Variants in SLCO3A1 observed in about 807,000 individuals in gnomAD.
SLCO3A1 encodes the protein solute carrier organic anion transporter family member 3A1.
A neutral mutation model predicts 63.1 loss-of-function variants in SLCO3A1; 27 were observed. That is an observed-to-expected ratio of 0.43 (90% CI 0.32 to 0.59). The LOEUF (loss-of-function observed/expected upper bound fraction) is 0.59. SLCO3A1 is among the 20% of genes least tolerant of loss of function. The probability of loss-of-function intolerance (pLI) is 0.09; values close to 1 mark genes in which losing one functional copy is unlikely to be tolerated. For missense variants in SLCO3A1, 773 were observed against 945.8 expected (o/e 0.82, Z 2.40); for synonymous variants, 473 against 409.9 (o/e 1.15, Z -1.86).
rs747059666 is a variant in SLCO3A1, at chr15:91,941,632, A to G, written c.646+25174A>G. On this transcript the variant is annotated intron_variant, in intron 2 of 9. Coordinates refer to ENST00000318445, the MANE Select transcript of SLCO3A1 (RefSeq NM_013272.4). This position sits in a 1 kb window ranked among gnomAD's most constrained non-coding sequence, Gnocchi z 4.4. ...GAGGTTTTGAAGCTTCTAATCTCCC[A>G]TGGGTTTTGTACTTTTTCTTACTCG... is the stretch of plus-strand genomic sequence containing the variant. 3 of 444,528 alleles carry G rather than the reference A, an allele frequency of 6.7e-6. No individual in the cohort carries two copies. The highest frequency in any genetic ancestry group is 1.6e-5 in the South Asian group (1 of 61,626). 27.5% of individuals were successfully genotyped at this position (444,528 alleles called of 1,614,324 possible).
At chr15:92,042,075 C>G (rs1321757923) in intron 2 of SLCO3A1, among the ~76,000 whole-genome samples, 2 of 152,132 alleles carry the variant, frequency 1.3e-5, no homozygotes, top group Non-Finnish European at 2.9e-5. Flanking sequence ...CCATGTGACT[C>G]TGGGGTTCTT....
At position 91,872,533 on chromosome 15, in the gene SLCO3A1, CAA is replaced by C. The variant is rs373474398; in HGVS notation, c.180+18455_180+18456del. 2.2e-5 allele frequency among the ~76,000 whole-genome samples: 3 copies of C among 136,214 alleles called. No homozygotes were observed. The highest frequency in any genetic ancestry group is 2.7e-5 in the African/African-American group (1 of 37,206). The allele number at this position is 136,214 out of a possible 152,430, so 89.4% of individuals were successfully genotyped here. The stretch of plus-strand genomic sequence containing the variant: ...AGGGCAACAAAATGAGACTCCGTCT[CAA>C]AAAAAAAAAGAAAAGAAAAAAGAAG... On this transcript the variant is annotated intron_variant, in intron 1 of 9. Coordinates refer to ENST00000318445, the MANE Select transcript of SLCO3A1 (RefSeq NM_013272.4). This position sits in a 1 kb window ranked among gnomAD's most constrained non-coding sequence, Gnocchi z 4.1.
intron 2 of SLCO3A1, among the ~76,000 whole-genome samples, chr15:92,039,491 G>A (rs2046770222): frequency 6.6e-6 from 1 of 152,212 alleles, no homozygotes; most frequent in African/African-American, 2.4e-5. Flanking sequence ...CTGATCATTA[G>A]AGAAACGCAA....
chr15:92,120,004 T>C (rs2047843365), intron 4 of SLCO3A1, among the ~76,000 whole-genome samples: 1 of 152,176 alleles, frequency 6.6e-6, no homozygotes, highest in African/African-American at 2.4e-5. Context: ...TACACATATA[T>C]ATATATAGAT....
chr15:92,056,241 A>T (rs1460851321), intron 2 of SLCO3A1, among the ~76,000 whole-genome samples: 1 of 152,142 alleles, frequency 6.6e-6, no homozygotes, highest in African/African-American at 2.4e-5. Context: ...GTTGAAGAGC[A>T]TTATCCTTGA....
At position 92,165,626 on chromosome 15, in the gene SLCO3A1, G is replaced by A. The variant is rs2048488008; in HGVS notation, c.*2491G>A. 3 of 985,372 alleles carry A rather than the reference G, an allele frequency of 3.0e-6. No homozygotes were observed. The highest frequency in any genetic ancestry group is 3.6e-6 in the Non-Finnish European group (3 of 829,904). The allele number at this position is 985,372 out of a possible 1,614,324, so 61.0% of individuals were successfully genotyped here. On this transcript the variant is annotated 3_prime_UTR_variant, in exon 10 of 10. Coordinates refer to ENST00000318445, the MANE Select transcript of SLCO3A1 (RefSeq NM_013272.4). Reference sequence around the variant, plus strand: ...ACAACTCCAGGGCTGAGTTTTATCAGCAATTGGGTATAAATTTAAAGACCG... The same window carrying A: ...ACAACTCCAGGGCTGAGTTTTATCAACAATTGGGTATAAATTTAAAGACCG...
chr15:91,984,597 TAATC>T (rs1344570451), intron 2 of SLCO3A1, among the ~76,000 whole-genome samples: 1 of 151,570 alleles, frequency 6.6e-6, no homozygotes, highest in African/African-American at 2.4e-5. Context: ...TATTATAAAA[TAATC>T]AAACGTACAT....
At chr15:92,109,287 A>G (rs1014337247) in intron 4 of SLCO3A1, among the ~76,000 whole-genome samples, 2 of 152,194 alleles carry the variant, frequency 1.3e-5, no homozygotes, top group African/African-American at 2.4e-5. Flanking sequence ...CCATGGCATT[A>G]TGCTGCCACT....
At chr15:92,082,011 G>A (rs1381012484) in intron 2 of SLCO3A1, among the ~76,000 whole-genome samples, 1 of 152,192 alleles carries the variant, frequency 6.6e-6, no homozygotes, top group Non-Finnish European at 1.5e-5. Flanking sequence ...TAACATTAGT[G>A]TTTGGTTTTG....
intron 2 of SLCO3A1, among the ~76,000 whole-genome samples, chr15:92,088,849 A>G (rs2047436597): frequency 6.6e-6 from 1 of 152,164 alleles, no homozygotes; most frequent in African/African-American, 2.4e-5. Flanking sequence ...ACTCTGCAGT[A>G]TAATCTCTTA....
intron 2 of SLCO3A1, among the ~76,000 whole-genome samples, chr15:91,964,523 A>G (rs1034678669): frequency 2.0e-5 from 3 of 151,568 alleles, no homozygotes; most frequent in Admixed American, 6.6e-5. Flanking sequence ...TAGTGTTGCT[A>G]TATTTAGTTC....
rs187493986 is a variant in SLCO3A1 at position 92,164,591 on chromosome 15, A to C, written c.*1456A>C. The C allele has an allele frequency of 6.9e-5, 66 of 950,726 alleles. No homozygotes were observed. The African/African-American group carries it at 1.2e-3, about 18-fold the overall frequency. The allele number at this position is 950,726 out of a possible 1,614,324, so 58.9% of individuals were successfully genotyped here. On this transcript the variant is annotated 3_prime_UTR_variant, in exon 10 of 10. Transcript: ENST00000318445. ...GGAAAGAAGAACAGTTCCCTAACACAAGCTGTTAAGAAGTCTGTAGCATCT... is the reference window on the plus strand; with the variant it reads ...GGAAAGAAGAACAGTTCCCTAACACCAGCTGTTAAGAAGTCTGTAGCATCT...
chr15:92,049,012 G>T (rs1679006970), intron 2 of SLCO3A1, among the ~76,000 whole-genome samples: 1 of 152,218 alleles, frequency 6.6e-6, no homozygotes, highest in Non-Finnish European at 1.5e-5. Context: ...CCAAAGCCTG[G>T]AGAGGTTATA....
At position 91,854,428 on chromosome 15, in the gene SLCO3A1, C is replaced by G. The variant is rs2141826268; in HGVS notation, c.180+340C>G. ...GCGAGACGGTGAGTTCAGGGTTCTC[C>G]TTGGAGAGGAACGAAAAAGCGTCGG... On this transcript the variant is annotated intron_variant, in intron 1 of 9. Coordinates refer to ENST00000318445, the MANE Select transcript of SLCO3A1 (RefSeq NM_013272.4). The surrounding 1 kb of genome is among the most constrained non-coding windows in gnomAD (Gnocchi z 6.4). The G allele has an allele frequency of 4.0e-6, 4 of 1,004,260 alleles. No individual in the cohort carries two copies. In the South Asian group the frequency reaches 1.4e-4, roughly 35 times the overall value. 62.2% of individuals were successfully genotyped at this position (1,004,260 alleles called of 1,614,324 possible).
At chr15:92,078,618 G>T (rs953435445) in intron 2 of SLCO3A1, among the ~76,000 whole-genome samples, 1 of 152,182 alleles carries the variant, frequency 6.6e-6, no homozygotes, top group African/African-American at 2.4e-5. Context: ...TGCCCAGGCT[G>T]TTCCTGCCTT....
rs78361481 is a variant in SLCO3A1 at position 92,125,557 on chromosome 15, G to A, written c.1175-504G>A. Among the ~76,000 whole-genome samples, 1,047 of 152,180 alleles carry A rather than the reference G, an allele frequency of 6.9e-3. 21 individuals carry two copies. Among genetic ancestry groups the A allele is most frequent in the African/African-American group, 0.024 (997 of 41,492 alleles). On this transcript the variant is annotated intron_variant, in intron 5 of 9. Coordinates refer to ENST00000318445, the MANE Select transcript of SLCO3A1 (RefSeq NM_013272.4). The stretch of plus-strand genomic sequence containing the variant: ...CTCTCTCTATGGCCTGGTGAATTCC[G>A]TGACCTTTAGGTTAAACAGCCTCCG...
chr15:92,109,864 G>A (rs2047708035), intron 4 of SLCO3A1, among the ~76,000 whole-genome samples: 1 of 152,144 alleles, frequency 6.6e-6, no homozygotes, highest in Admixed American at 6.5e-5. Context: ...AAGGCTGGCA[G>A]GCGGTTGGGG....
chr15:91,949,086 T>A (rs555583201), intron 2 of SLCO3A1, among the ~76,000 whole-genome samples: 1 of 152,302 alleles, frequency 6.6e-6, no homozygotes, highest in Non-Finnish European at 1.5e-5. Flanking sequence ...GCTGACCCTC[T>A]GCATGCAGGT....
At position 92,047,019 on chromosome 15, in the gene SLCO3A1, AATATATAAATATAT is replaced by A. The variant is rs1306126910; in HGVS notation, c.647-47842_647-47829del. 1.2e-4 allele frequency among the ~76,000 whole-genome samples: 8 copies of A among 64,310 alleles called. 1 individual carries two copies. In the South Asian group the frequency reaches 2.0e-3, roughly 16 times the overall value. The allele number at this position is 64,310 out of a possible 152,430, so 42.2% of individuals were successfully genotyped here. On this transcript the variant is annotated intron_variant, in intron 2 of 9. Coordinates refer to ENST00000318445, the MANE Select transcript of SLCO3A1 (RefSeq NM_013272.4). ...AATATATATATATAAATATATATAT[AATATATAAATATAT>A]ATATATAAATATATATATAATATAT...
Sources: gnomAD v4.1 joint callset for allele counts (sites outside exome capture counted in the v4.1 genomes callset) on GRCh38, gnomAD v4.1.1 for gene constraint, Gnocchi (gnomAD v3.1) non-coding constraint, MANE v1.5 for transcripts, NCBI Gene and HGNC (gene_info 2026-07-23, HGNC 2026-07-21) for gene names.